The following PCDHGA1 variants were observed in gnomAD, a reference collection of about 807,000 sequenced individuals.
The protein encoded by PCDHGA1 is protocadherin gamma-A1.
Under a neutral mutation model 58.0 loss-of-function variants are expected in PCDHGA1, and 32 were observed. The observed-to-expected ratio is 0.55, with a 90% CI of 0.42 to 0.74. PCDHGA1 has a LOEUF of 0.74. Among genes scored for constraint, PCDHGA1 ranks in the 30% least tolerant of loss-of-function variants. The probability of loss-of-function intolerance (pLI) is 0.00; values close to 1 mark genes in which losing one functional copy is unlikely to be tolerated. For missense variants in PCDHGA1, 1,205 were observed against 1,182.3 expected, an observed-to-expected ratio of 1.02 and a Z score of -0.28; for synonymous variants, 498 against 501.1, an observed-to-expected ratio of 0.99 and a Z score of 0.08.
intron 1 of PCDHGA1, chr5:141,373,848 C>T (rs955090382): frequency 2.0e-5 from 9 of 446,824 alleles, no homozygotes; most frequent in Non-Finnish European, 3.5e-5. Flanking sequence ...GGACTCTAAG[C>T]GTCGCTGTTG....
rs1387687483 is a variant in PCDHGA1, at chr5:141,330,753, G to T, written c.69G>T (p.Leu23=). 6.2e-7 allele frequency: 1 copy of T among 1,614,146 alleles called. No homozygotes were observed. The change falls in exon 1 of 4, where the codon CTG becomes CTT. Residue 23 remains leucine (L), a synonymous_variant. Coordinates refer to ENST00000517417, the MANE Select transcript of PCDHGA1 (RefSeq NM_018912.3). ...LMLLCLSLEL[L]LEAGAGNIHY... ...TTCTGTGTCTTTCTCTGGAGCTGCT[G>T]TTGGAAGCTGGGGCTGGGAATATTC...
At chr5:141,351,798 A>G in intron 1 of PCDHGA1, 2 of 1,613,318 alleles carry the variant, frequency 1.2e-6, no homozygotes, top group Non-Finnish European at 8.5e-7. Context: ...GTGTTCGCGC[A>G]GCGCGCCTTC....
Position 141,511,319 on chromosome 5 carries a change from C to A in PCDHGA1, c.*146C>A. On this transcript the variant is annotated 3_prime_UTR_variant, in exon 4 of 4. Coordinates refer to ENST00000517417, the MANE Select transcript of PCDHGA1 (RefSeq NM_018912.3). ...CCATGCTCCCCTTGGGAAACAGAAA[C>A]AAGTGCCCAGTCAGCACCTACCCCT... is the stretch of plus-strand genomic sequence containing the variant. 6.8e-7 allele frequency: 1 copy of A among 1,477,420 alleles called. No homozygotes were observed. The highest frequency in any genetic ancestry group is 9.0e-7 in the Non-Finnish European group (1 of 1,108,340). 91.5% of individuals were successfully genotyped at this position (1,477,420 alleles called of 1,614,324 possible).
At chr5:141,465,852 G>A (rs1250863307) in intron 1 of PCDHGA1, among the ~76,000 whole-genome samples, 1 of 151,996 alleles carries the variant, frequency 6.6e-6, no homozygotes, top group East Asian at 1.9e-4. Context: ...GCTGGGCCCA[G>A]TGGCTCATGC....
chr5:141,510,251 C>T (rs569804850), intron 3 of PCDHGA1, among the ~76,000 whole-genome samples: 5 of 144,790 alleles, frequency 3.5e-5, no homozygotes, highest in South Asian at 4.3e-4. Flanking sequence ...CCAGGCTGGG[C>T]GACAGAGCAG....
intron 1 of PCDHGA1, chr5:141,374,885 G>T: frequency 6.2e-7 from 1 of 1,613,628 alleles, no homozygotes; most frequent in South Asian, 1.1e-5. Flanking sequence ...GACTGCCACC[G>T]ACCAGGATGA....
intron 1 of PCDHGA1, chr5:141,352,159 G>C: frequency 1.2e-6 from 2 of 1,613,054 alleles, no homozygotes; most frequent in Non-Finnish European, 1.7e-6. Context: ...ACAGGGACGC[G>C]GCCCGCCAGC....
chr5:141,350,745 A>G, intron 1 of PCDHGA1: 1 of 1,613,956 alleles, frequency 6.2e-7, no homozygotes, highest in Non-Finnish European at 8.5e-7. Context: ...GTGGAAGGCA[A>G]TTCACTGAAG....
intron 1 of PCDHGA1, chr5:141,404,905 GC>G (rs762314174): frequency 6.2e-6 from 10 of 1,613,910 alleles, no homozygotes; most frequent in Middle Eastern, 1.7e-4. Context: ...ACCATGGCCA[GC>G]CCCCTCTCTC....
Position 141,409,704 on chromosome 5 carries a change from T to C in PCDHGA1, c.2421+76599T>C. ...GCGAGTGACCTAGAGCCCCTGGCGG[T>C]GTCGTCATACGTGTCAGTGAGCGCG... On this transcript the variant is annotated intron_variant, in intron 1 of 3. Transcript: ENST00000517417. 6.2e-7 allele frequency: 1 copy of C among 1,613,248 alleles called. No homozygotes were observed. Among genetic ancestry groups the C allele is most frequent in the South Asian group, 1.1e-5 (1 of 91,072 alleles).
intron 1 of PCDHGA1, chr5:141,345,613 A>G: frequency 6.2e-7 from 1 of 1,614,080 alleles, no homozygotes; most frequent in East Asian, 2.2e-5. Flanking sequence ...CAATTTAGAG[A>G]CTTAAAGCTA....
intron 1 of PCDHGA1, chr5:141,366,483 G>A: frequency 6.2e-7 from 1 of 1,614,236 alleles, no homozygotes; most frequent in South Asian, 1.1e-5. Context: ...AGACTGAGGC[G>A]CTGGCACAAG....
At chr5:141,360,831 C>T (rs1179144705) in intron 1 of PCDHGA1, 1 of 1,613,838 alleles carries the variant, frequency 6.2e-7, no homozygotes. Flanking sequence ...GAATCAAAGT[C>T]ACGGATGCCA....
intron 1 of PCDHGA1, chr5:141,388,773 G>A (rs769358867): frequency 1.9e-6 from 3 of 1,613,808 alleles, no homozygotes; most frequent in East Asian, 2.2e-5. Flanking sequence ...CTCTAACACC[G>A]GGGAAATTAC....
chr5:141,370,840 G>C, intron 1 of PCDHGA1: 2 of 1,614,022 alleles, frequency 1.2e-6, no homozygotes, highest in Non-Finnish European at 1.7e-6. Flanking sequence ...GCTCTCACTG[G>C]AGCCACATTT....
At chr5:141,449,212 GT>G (rs1405401595) in intron 1 of PCDHGA1, among the ~76,000 whole-genome samples, 1 of 152,134 alleles carries the variant, frequency 6.6e-6, no homozygotes, top group African/African-American at 2.4e-5. Context: ...CTAACTTTCT[GT>G]TTTGAAATGA....
At chr5:141,392,922 G>A (rs2092629176) in intron 1 of PCDHGA1, 1 of 1,613,946 alleles carries the variant, frequency 6.2e-7, no homozygotes, top group African/African-American at 1.3e-5. Context: ...CTCTGTGCCA[G>A]AAGAGACGGA....
Position 141,487,171 on chromosome 5 carries a change from G to C in PCDHGA1, c.2422-7636G>C. ...CTGTTACTCTCTTAGTGTCCTTAGA[G>C]GAAGACACTCATCCAGTTGTCCCAG... On this transcript the variant is annotated intron_variant, in intron 1 of 3. Transcript: ENST00000517417. The surrounding 1 kb of genome is among the most constrained non-coding windows in gnomAD (Gnocchi z 5.0). 1 of 1,612,938 alleles carries C rather than the reference G, an allele frequency of 6.2e-7. No individual in the cohort carries two copies. Among genetic ancestry groups the C allele is most frequent in the Non-Finnish European group, 8.5e-7 (1 of 1,178,910 alleles).
chr5:141,363,442 C>G (rs1298018028), intron 1 of PCDHGA1, among the ~76,000 whole-genome samples: 1 of 152,178 alleles, frequency 6.6e-6, no homozygotes, highest in African/African-American at 2.4e-5. Flanking sequence ...AAAGGTCACT[C>G]AGTACTTCTC....
Sources: gnomAD v4.1 joint callset for allele counts (sites outside exome capture counted in the v4.1 genomes callset) on GRCh38, gnomAD v4.1.1 for gene constraint, Gnocchi (gnomAD v3.1) non-coding constraint, MANE v1.5 for transcripts, NCBI Gene and HGNC (gene_info 2026-07-23, HGNC 2026-07-21) for gene names.